The following RABGAP1L variants were observed in gnomAD, a reference collection of about 807,000 sequenced individuals.
RABGAP1L encodes the protein RAB GTPase activating protein 1 like.
In RABGAP1L, 63 loss-of-function variants were observed where a neutral mutation model predicts 137.7. The ratio of observed to expected loss-of-function variants is 0.46; its 90% CI spans 0.37 to 0.56. RABGAP1L has a LOEUF of 0.56. Ranked by LOEUF, RABGAP1L falls within the 20% of genes least tolerant of loss-of-function variation. The pLI is 0.00. For missense variants in RABGAP1L, 1,095 were observed against 1,244.0 expected, an observed-to-expected ratio of 0.88 and a Z score of 1.80; for synonymous variants, 431 against 433.7, an observed-to-expected ratio of 0.99 and a Z score of 0.08.
intron 14 of RABGAP1L, among the ~76,000 whole-genome samples, chr1:174,638,877 G>A (rs1265003549): frequency 7.4e-6 from 1 of 134,254 alleles, no homozygotes; most frequent in South Asian, 2.6e-4. Flanking sequence ...CACACTCTGG[G>A]GACTGTGGTG....
chr1:174,807,410 C>A (rs897380111), intron 18 of RABGAP1L, among the ~76,000 whole-genome samples: 1 of 152,140 alleles, frequency 6.6e-6, no homozygotes, highest in Non-Finnish European at 1.5e-5. Flanking sequence ...ACATCCAAAT[C>A]TTTGCAGAAC....
intron 19 of RABGAP1L, among the ~76,000 whole-genome samples, chr1:174,905,772 C>T (rs186922889): frequency 1.3e-5 from 2 of 151,842 alleles, no homozygotes; most frequent in Admixed American, 1.3e-4. Context: ...AATCACTTGA[C>T]CCCACAAGGT....
chr1:174,228,576 A>G (rs909564466), intron 3 of RABGAP1L, among the ~76,000 whole-genome samples: 4 of 152,188 alleles, frequency 2.6e-5, no homozygotes, highest in African/African-American at 4.8e-5. Context: ...CTTTTGAAAT[A>G]CATTATATTG....
chr1:174,175,104 T>C (rs111791137), intron 1 of RABGAP1L, among the ~76,000 whole-genome samples: 2 of 152,226 alleles, frequency 1.3e-5, no homozygotes, highest in Non-Finnish European at 1.5e-5. Flanking sequence ...TCAGCATGAT[T>C]GATTTCTAAA....
At chr1:174,458,835 A>G (rs1213478706) in intron 13 of RABGAP1L, among the ~76,000 whole-genome samples, 2 of 152,128 alleles carry the variant, frequency 1.3e-5, no homozygotes, top group Non-Finnish European at 2.9e-5. Flanking sequence ...TGATAATCTC[A>G]TAGTCTAAAA....
At chr1:174,485,273 T>C (rs1352448399) in intron 13 of RABGAP1L, among the ~76,000 whole-genome samples, 1 of 152,228 alleles carries the variant, frequency 6.6e-6, no homozygotes, top group Admixed American at 6.5e-5. Flanking sequence ...TGTAAGATTA[T>C]ATCATTTGCA....
intron 13 of RABGAP1L, among the ~76,000 whole-genome samples, chr1:174,517,672 G>A (rs968662021): frequency 1.3e-5 from 2 of 152,126 alleles, no homozygotes; most frequent in South Asian, 4.1e-4. Flanking sequence ...GACTCTTCCA[G>A]ATGTACCCCA....
intron 10 of RABGAP1L, among the ~76,000 whole-genome samples, chr1:174,302,219 T>C (rs1247140787): frequency 6.6e-6 from 1 of 152,248 alleles, no homozygotes; most frequent in Non-Finnish European, 1.5e-5. Context: ...CTTTTGCTGC[T>C]TCATTATTCC....
chr1:174,703,155 A>C (rs1428919155), intron 17 of RABGAP1L, among the ~76,000 whole-genome samples: 1 of 152,120 alleles, frequency 6.6e-6, no homozygotes, highest in Admixed American at 6.5e-5. Context: ...GGTACAAGTG[A>C]TGTTTTGCTA....
At chr1:174,618,032 G>T (rs1672066545) in intron 13 of RABGAP1L, among the ~76,000 whole-genome samples, 2 of 152,226 alleles carry the variant, frequency 1.3e-5, no homozygotes, top group African/African-American at 2.4e-5. Flanking sequence ...TGCCCACGGA[G>T]CCTCACTCAT....
intron 13 of RABGAP1L, among the ~76,000 whole-genome samples, chr1:174,542,605 C>G (rs903813843): frequency 6.6e-6 from 1 of 152,082 alleles, no homozygotes. Flanking sequence ...CATTTCTGCT[C>G]TGATCTTAGT....
chr1:174,636,355 TAA>T (rs1674030191), intron 13 of RABGAP1L, among the ~76,000 whole-genome samples: 1 of 152,040 alleles, frequency 6.6e-6, no homozygotes, highest in African/African-American at 2.4e-5. Context: ...CCATCTCTAC[TAA>T]AAATACACAC....
chr1:174,290,958 C>A (rs1160682223), intron 10 of RABGAP1L, among the ~76,000 whole-genome samples: 1 of 151,926 alleles, frequency 6.6e-6, no homozygotes, highest in Non-Finnish European at 1.5e-5. Flanking sequence ...ATGGCTCTTG[C>A]TATGTTGCCC....
intron 12 of RABGAP1L, among the ~76,000 whole-genome samples, chr1:174,384,055 A>G (rs1018234374): frequency 2.6e-5 from 4 of 152,226 alleles, no homozygotes; most frequent in Non-Finnish European, 4.4e-5. Flanking sequence ...AAATGGATCA[A>G]CCAACTGTGG....
intron 14 of RABGAP1L, among the ~76,000 whole-genome samples, chr1:174,649,282 C>T (rs1357211059): frequency 6.6e-6 from 1 of 151,936 alleles, no homozygotes; most frequent in Non-Finnish European, 1.5e-5. Flanking sequence ...GTTAATGCAG[C>T]ATTTTCATAG....
At chr1:174,506,385 C>A (rs1661816643) in intron 13 of RABGAP1L, among the ~76,000 whole-genome samples, 2 of 151,936 alleles carry the variant, frequency 1.3e-5, no homozygotes, top group South Asian at 4.2e-4. Flanking sequence ...ACTGTCTGGC[C>A]CTTTACAGAA....
In RABGAP1L at chr1:174,510,275, C is replaced by T. The variant is rs55923143; in HGVS notation, c.1710+116130C>T. ...TCCATCCATATGTCTTTTCATAATA[C>T]GTAACCTTCATGAGGGCAATGATTT... On this transcript the variant is annotated intron_variant, in intron 13 of 25. Transcript: ENST00000681986. 8.5e-3 allele frequency among the ~76,000 whole-genome samples: 1,291 copies of T among 152,232 alleles called. 10 individuals carry two copies. Among genetic ancestry groups the T allele is most frequent in the Non-Finnish European group, 0.014 (927 of 67,992 alleles).
At chr1:174,375,173 C>T (rs1383761378) in intron 12 of RABGAP1L, among the ~76,000 whole-genome samples, 3 of 151,886 alleles carry the variant, frequency 2.0e-5, no homozygotes, top group African/African-American at 7.3e-5. Context: ...TATTCTAAAA[C>T]TATAAACAAA....
At chr1:174,620,936 A>C (rs1672394897) in intron 13 of RABGAP1L, among the ~76,000 whole-genome samples, 1 of 152,204 alleles carries the variant, frequency 6.6e-6, no homozygotes, top group African/African-American at 2.4e-5. Context: ...GACGCAATAA[A>C]AAATGATAAA....
Sources: allele counts gnomAD v4.1 joint callset (sites outside exome capture counted in the v4.1 genomes callset), GRCh38; gene constraint gnomAD v4.1.1; transcripts MANE v1.5; gene names NCBI Gene and HGNC (gene_info 2026-07-23, HGNC 2026-07-21).